The following TAS2R1 variants were observed in gnomAD, a reference collection of about 807,000 sequenced individuals.
TAS2R1 encodes the protein taste receptor type 2 member 1.
For missense variants in TAS2R1, 370 were observed against 353.4 expected, an observed-to-expected ratio of 1.05 and a Z score of -0.38; for synonymous variants, 141 against 134.2, an observed-to-expected ratio of 1.05 and a Z score of -0.35.
At chr5:9,725,224 T>G in the TAS2R1 span, among the ~76,000 whole-genome samples, 1 of 152,250 alleles carries the variant, frequency 6.6e-6, no homozygotes, top group East Asian at 1.9e-4. Context: ...CTTGAGCCCT[T>G]CAGCCCGCTG....
At chr5:9,900,617 G>GGTTTTT in the TAS2R1 span, among the ~76,000 whole-genome samples, 1 of 101,478 alleles carries the variant, frequency 9.9e-6, no homozygotes, top group African/African-American at 4.1e-5. Context: ...TTGCTCAAAT[G>GGTTTTT]GTTTTTTTTT....
chr5:9,817,400 C>A, the TAS2R1 span, among the ~76,000 whole-genome samples: 23 of 152,274 alleles, frequency 1.5e-4, no homozygotes, highest in African/African-American at 5.5e-4. Context: ...CAGGCATCAA[C>A]AATTATGCAC....
At chr5:9,900,129 T>C in the TAS2R1 span, among the ~76,000 whole-genome samples, 3 of 152,230 alleles carry the variant, frequency 2.0e-5, no homozygotes, top group South Asian at 6.2e-4. Flanking sequence ...TGGGTACAGA[T>C]ATGTTCTCTC....
upstream of TAS2R1, among the ~76,000 whole-genome samples, chr5:9,633,294 TTATATATATATATATATA>T (rs200096603): frequency 1.5e-5 from 1 of 67,800 alleles, no homozygotes; most frequent in African/African-American, 7.1e-5. Flanking sequence ...TGTGTGTATA[TTATATATATATATATATA>T]TATATATACA....
At chr5:9,684,635 T>C (rs931306387) in intron 1 of TAS2R1, among the ~76,000 whole-genome samples, 2 of 152,186 alleles carry the variant, frequency 1.3e-5, no homozygotes, top group African/African-American at 2.4e-5. Context: ...GTGTTCCTCC[T>C]GTCTCAGCCT....
rs1402923181 is a variant in TAS2R1, at chr5:9,627,615, AAAAAG to A, written c.*1513_*1517del. ...GAACAGAATATTCTCTGAACTTGAG[AAAAAG>A]AAAAGTGACTTTTCATTGTCCTTTC... On this transcript the variant is annotated 3_prime_UTR_variant, in exon 1 of 1. Transcript: ENST00000382492. Among the ~76,000 whole-genome samples, 4 of 152,204 alleles carry A rather than the reference AAAAAG, an allele frequency of 2.6e-5. No homozygotes were observed. Among genetic ancestry groups the A allele is most frequent in the Non-Finnish European group, 5.9e-5 (4 of 68,046 alleles).
At chr5:9,680,231 G>A (rs1036033811) in intron 1 of TAS2R1, among the ~76,000 whole-genome samples, 2 of 152,138 alleles carry the variant, frequency 1.3e-5, no homozygotes, top group African/African-American at 4.8e-5. Flanking sequence ...TATTCATGAG[G>A]CCGAAGAGGT....
upstream of TAS2R1, among the ~76,000 whole-genome samples, chr5:9,633,289 GTA>G (rs1554051801): frequency 1.6e-4 from 10 of 61,546 alleles, no homozygotes; most frequent in Non-Finnish European, 1.3e-4. Flanking sequence ...GTGTGTGTGT[GTA>G]TATTATATAT....
At chr5:9,861,374 A>G in the TAS2R1 span, among the ~76,000 whole-genome samples, 1 of 152,188 alleles carries the variant, frequency 6.6e-6, no homozygotes. Context: ...AGAACATAAT[A>G]TCACTGACGG....
chr5:9,833,651 T>A, the TAS2R1 span, among the ~76,000 whole-genome samples: 1 of 151,982 alleles, frequency 6.6e-6, no homozygotes, highest in African/African-American at 2.4e-5. Flanking sequence ...AGAAGAAAAA[T>A]ACTTGTGTGG....
chr5:9,805,211 G>A, the TAS2R1 span, among the ~76,000 whole-genome samples: 61 of 152,068 alleles, frequency 4.0e-4, 1 homozygote, highest in African/African-American at 1.5e-3. Flanking sequence ...TAGAGACTCT[G>A]AACAGACTAA....
the TAS2R1 span, among the ~76,000 whole-genome samples, chr5:9,779,127 C>T: frequency 2.6e-5 from 4 of 152,204 alleles, no homozygotes; most frequent in Non-Finnish European, 4.4e-5. Context: ...TTGGTGCCGT[C>T]CTCGCAGTAA....
chr5:9,788,392 T>C, the TAS2R1 span, among the ~76,000 whole-genome samples: 1 of 152,170 alleles, frequency 6.6e-6, no homozygotes, highest in African/African-American at 2.4e-5. Context: ...TCTCTATCCA[T>C]TGCTTCTGCT....
At chr5:9,883,026 C>G in the TAS2R1 span, among the ~76,000 whole-genome samples, 11 of 152,156 alleles carry the variant, frequency 7.2e-5, no homozygotes, top group South Asian at 8.3e-4. Context: ...ACATATATAC[C>G]ACGAAATACT....
At chr5:9,726,212 A>G in the TAS2R1 span, among the ~76,000 whole-genome samples, 4 of 151,936 alleles carry the variant, frequency 2.6e-5, no homozygotes, top group African/African-American at 7.3e-5. Flanking sequence ...GAATGCACCA[A>G]TCGACACTCT....
At chr5:9,777,961 A>G in the TAS2R1 span, among the ~76,000 whole-genome samples, 1 of 151,024 alleles carries the variant, frequency 6.6e-6, no homozygotes, top group Non-Finnish European at 1.5e-5. Flanking sequence ...GCTCACTGCA[A>G]GCTCCGCTTC....
chr5:9,646,663 T>C (rs1281388294), intron 2 of TAS2R1, among the ~76,000 whole-genome samples: 1 of 152,190 alleles, frequency 6.6e-6, no homozygotes, highest in Admixed American at 6.5e-5. Context: ...CCCTGGGTCT[T>C]GCTGCTGCCT....
chr5:9,882,706 G>A, the TAS2R1 span, among the ~76,000 whole-genome samples: 2 of 152,206 alleles, frequency 1.3e-5, no homozygotes, highest in East Asian at 1.9e-4. Context: ...AAATAGGAAC[G>A]CTTTTACACT....
intron 1 of TAS2R1, among the ~76,000 whole-genome samples, chr5:9,666,220 TCTGA>T (rs1237241467): frequency 6.6e-6 from 1 of 152,170 alleles, no homozygotes; most frequent in East Asian, 1.9e-4. Flanking sequence ...AAGCAGATGC[TCTGA>T]CTGGAAGCAA....
Sources: allele counts gnomAD v4.1 joint callset (sites outside exome capture counted in the v4.1 genomes callset), GRCh38; gene constraint gnomAD v4.1.1; transcripts MANE v1.5; gene names NCBI Gene and HGNC (gene_info 2026-07-23, HGNC 2026-07-21).